The following PLA2G4C variants were observed in gnomAD, a reference collection of about 807,000 sequenced individuals.
PLA2G4C encodes the protein phospholipase A2 group IVC.
In PLA2G4C, 64 loss-of-function variants were observed where a neutral mutation model predicts 73.8. The observed-to-expected ratio is 0.87, with a 90% CI of 0.71 to 1.07. The LOEUF is 1.07. PLA2G4C is among the 50% of genes least tolerant of loss of function. The pLI is 0.00. For synonymous variants in PLA2G4C, 254 were observed against 252.1 expected, an observed-to-expected ratio of 1.01 and a Z score of -0.07; for missense variants, 622 against 665.4, an observed-to-expected ratio of 0.93 and a Z score of 0.72.
At chr19:48,103,760 C>T (rs566030658) in intron 4 of PLA2G4C, among the ~76,000 whole-genome samples, 2 of 152,258 alleles carry the variant, frequency 1.3e-5, no homozygotes, top group Middle Eastern at 3.4e-3. Flanking sequence ...AAAAGTGCAC[C>T]TGAACATGTA....
intron 13 of PLA2G4C, among the ~76,000 whole-genome samples, chr19:48,065,418 C>T (rs896797879): frequency 5.3e-5 from 8 of 151,718 alleles, no homozygotes; most frequent in African/African-American, 1.7e-4. Flanking sequence ...GAGTTTGAGA[C>T]CAGCCTAGCC....
intron 7 of PLA2G4C, among the ~76,000 whole-genome samples, chr19:48,094,164 G>C (rs1247685130): frequency 6.6e-6 from 1 of 152,046 alleles, no homozygotes; most frequent in Non-Finnish European, 1.5e-5. Flanking sequence ...CTTTTCATCA[G>C]GTCCATGCTC....
Position 48,054,969 on chromosome 19 carries a change from C to T in PLA2G4C, c.1338G>A (p.Trp446Ter), listed in dbSNP as rs747714917. The change falls in exon 15 of 17, where the codon TGG (tryptophan) becomes TGA (stop). Residue 446 changes from tryptophan to a stop codon, truncating the protein, a stop_gained. Transcript: ENST00000599921. LOFTEE classifies it high-confidence loss of function. ...PQVEEAELDL[W>*]SKAPASCYIL... ...TGTAGCAGCTGGCGGGGGCCTTGGA[C>T]CACAAATCCAGCTCAGCCTCTTCTA... 2 of 1,613,782 alleles carry T rather than the reference C, an allele frequency of 1.2e-6. No individual in the cohort carries two copies. The highest frequency in any genetic ancestry group is 4.5e-5 in the East Asian group (2 of 44,840).
chr19:48,099,080 C>G (rs2031765518), intron 5 of PLA2G4C, among the ~76,000 whole-genome samples: 1 of 144,196 alleles, frequency 6.9e-6, no homozygotes, highest in Admixed American at 7.2e-5. Context: ...GGCAATATAG[C>G]AAGATCCCTG....
intron 8 of PLA2G4C, among the ~76,000 whole-genome samples, chr19:48,089,298 G>A (rs1012235796): frequency 1.3e-4 from 19 of 152,000 alleles, no homozygotes; most frequent in Admixed American, 3.9e-4. Context: ...ACGGTGGTGC[G>A]CGCCTGTAGT....
At chr19:48,067,530 A>C (rs192777531) in intron 13 of PLA2G4C, among the ~76,000 whole-genome samples, 39 of 152,128 alleles carry the variant, frequency 2.6e-4, no homozygotes, top group African/African-American at 9.2e-4. Flanking sequence ...GGTTTTTTGC[A>C]TTTTTGCAAA....
intron 7 of PLA2G4C, among the ~76,000 whole-genome samples, chr19:48,092,121 C>T (rs567628789): frequency 4.0e-5 from 6 of 149,446 alleles, no homozygotes; most frequent in Admixed American, 1.3e-4. Context: ...GCGATCTCCG[C>T]TCACTGCAGC....
chr19:48,110,373 A>T (rs1399637355), intron 1 of PLA2G4C, 114 bp downstream of exon 1: 1 of 656,730 alleles, frequency 1.5e-6, no homozygotes, highest in Non-Finnish European at 2.3e-6. Flanking sequence ...TAAATAAAAT[A>T]AAATAAAATA....
At chr19:48,100,075 C>G in intron 4 of PLA2G4C, 1 of 470,218 alleles carries the variant, frequency 2.1e-6, no homozygotes, top group Non-Finnish European at 3.7e-6. Context: ...CCTTCCATTT[C>G]ACAGGCAGGA....
intron 12 of PLA2G4C, among the ~76,000 whole-genome samples, chr19:48,074,246 G>C (rs2122547050): frequency 6.6e-6 from 1 of 151,936 alleles, no homozygotes; most frequent in East Asian, 1.9e-4. Context: ...TTGGTTTTCT[G>C]TTCCTGCAAT....
chr19:48,071,454 C>T (rs574896094), intron 12 of PLA2G4C, among the ~76,000 whole-genome samples: 4 of 152,148 alleles, frequency 2.6e-5, no homozygotes, highest in East Asian at 1.9e-4. Flanking sequence ...CCACGCCCGG[C>T]GAATTTTGTA....
At chr19:48,073,934 C>CT (rs1429050675) in intron 12 of PLA2G4C, among the ~76,000 whole-genome samples, 10 of 152,074 alleles carry the variant, frequency 6.6e-5, no homozygotes, top group Non-Finnish European at 1.2e-4. Context: ...CAGGCCCCAC[C>CT]TCCAACACTG....
chr19:48,062,349 A>G (rs3786775), intron 13 of PLA2G4C, 197 bp from the exon 14 acceptor site: 372,559 of 456,090 alleles, frequency 0.82, 152,383 homozygotes, highest in East Asian at 0.87. Context: ...GGTGCCTCAC[A>G]CCTGAAATCC....
chr19:48,110,048 G>A (rs2032413985), intron 1 of PLA2G4C, among the ~76,000 whole-genome samples: 3 of 144,694 alleles, frequency 2.1e-5, no homozygotes, highest in African/African-American at 7.5e-5. Flanking sequence ...TTCCAGAAGT[G>A]TTAGAAAATA....
chr19:48,104,479 A>G, intron 4 of PLA2G4C, 109 bp downstream of exon 4: 4 of 1,049,120 alleles, frequency 3.8e-6, no homozygotes, highest in Non-Finnish European at 4.3e-6. Flanking sequence ...CTAGTACCAG[A>G]GAGCTCGAGA....
At chr19:48,055,081 G>T in intron 14 of PLA2G4C, 32 bp from the exon 15 acceptor site, 2 of 1,558,824 alleles carry the variant, frequency 1.3e-6, no homozygotes, top group Middle Eastern at 2.3e-4. Context: ...ATGGTTGCAA[G>T]ACCTCTCCAG....
At chr19:48,057,593 G>A (rs1250223677) in intron 14 of PLA2G4C, among the ~76,000 whole-genome samples, 1 of 142,524 alleles carries the variant, frequency 7.0e-6, no homozygotes, top group Non-Finnish European at 1.5e-5. Context: ...AGATTCAAGC[G>A]ATTCTCCTGC....
At chr19:48,101,674 C>CTTTTTTTTT (rs71181648) in intron 4 of PLA2G4C, among the ~76,000 whole-genome samples, 64 of 131,810 alleles carry the variant, frequency 4.9e-4, no homozygotes, top group African/African-American at 1.6e-3. Flanking sequence ...CCTTTAATAT[C>CTTTTTTTTT]TTTTTTTTTT....
intron 12 of PLA2G4C, among the ~76,000 whole-genome samples, chr19:48,073,298 C>T (rs2029918346): frequency 6.6e-6 from 1 of 152,096 alleles, no homozygotes; most frequent in Admixed American, 6.6e-5. Flanking sequence ...GATCTTCCTG[C>T]CTCAGCCTCC....
Sources: gnomAD v4.1 joint callset for allele counts (sites outside exome capture counted in the v4.1 genomes callset) on GRCh38, gnomAD v4.1.1 for gene constraint, MANE v1.5 for transcripts, NCBI Gene and HGNC (gene_info 2026-07-23, HGNC 2026-07-21) for gene names.